P4HA1: variants seen among roughly 807,000 people sequenced by gnomAD.
P4HA1 encodes prolyl 4-hydroxylase subunit alpha-1.
In P4HA1, 24 loss-of-function variants were observed where a neutral mutation model predicts 72.8. The ratio of observed to expected loss-of-function variants is 0.33; its 90% CI spans 0.24 to 0.46. P4HA1 has a LOEUF of 0.46. Among genes scored for constraint, P4HA1 ranks in the 20% least tolerant of loss-of-function variants. The pLI, the probability that P4HA1 is intolerant of heterozygous loss-of-function variation, is 1.00. For synonymous variants in P4HA1, 201 were observed against 218.8 expected, an observed-to-expected ratio of 0.92 and a Z score of 0.72; for missense variants, 446 against 640.6, an observed-to-expected ratio of 0.70 and a Z score of 3.28.
chr10:73,077,122 C>T (rs182205394), intron 1 of P4HA1, among the ~76,000 whole-genome samples: 1 of 152,248 alleles, frequency 6.6e-6, no homozygotes, highest in Non-Finnish European at 1.5e-5. Flanking sequence ...GACACTTCCT[C>T]TCCTGGGCTC....
chr10:73,028,924 G>C (rs911309601), intron 10 of P4HA1, among the ~76,000 whole-genome samples: 3 of 150,920 alleles, frequency 2.0e-5, no homozygotes, highest in Non-Finnish European at 4.4e-5. Context: ...ATGTGCCTGT[G>C]GTCCCAGCTA....
At chr10:73,012,510 T>C (rs929398424) in intron 12 of P4HA1, among the ~76,000 whole-genome samples, 2 of 152,174 alleles carry the variant, frequency 1.3e-5, no homozygotes, top group Admixed American at 1.3e-4. Flanking sequence ...ATCTTTGTAA[T>C]GTACCTTACC....
At chr10:73,075,329 G>A (rs953112673) in intron 1 of P4HA1, among the ~76,000 whole-genome samples, 1 of 152,020 alleles carries the variant, frequency 6.6e-6, no homozygotes, top group Non-Finnish European at 1.5e-5. Flanking sequence ...GGCTGGTCTC[G>A]AACTCCTGGC....
At chr10:73,037,540 TATATATATATATATATATATATATATATA>T (rs1414691325) in intron 9 of P4HA1, among the ~76,000 whole-genome samples, 1 of 21,196 alleles carries the variant, frequency 4.7e-5, no homozygotes, top group East Asian at 1.6e-3. Context: ...TATATATATA[TATATATATATATATATATATATATATATA>T]TATTTTTTTT....
chr10:73,054,335 T>A (rs1020315020), intron 5 of P4HA1, among the ~76,000 whole-genome samples: 2 of 152,222 alleles, frequency 1.3e-5, no homozygotes, highest in African/African-American at 4.8e-5. Flanking sequence ...TTAAATACCA[T>A]AAATTCACTC....
intron 10 of P4HA1, among the ~76,000 whole-genome samples, chr10:73,023,606 A>G (rs1409875019): frequency 1.3e-5 from 2 of 152,172 alleles, no homozygotes; most frequent in Non-Finnish European, 2.9e-5. Context: ...CAAAATAACC[A>G]GCGAACATCA....
intron 10 of P4HA1, among the ~76,000 whole-genome samples, chr10:73,022,140 G>A (rs1404231463): frequency 6.6e-6 from 1 of 152,212 alleles, no homozygotes; most frequent in Non-Finnish European, 1.5e-5. Flanking sequence ...GAGAGCAGTG[G>A]TTCTCCCAGG....
rs1840057124 is a variant in P4HA1 at position 73,018,390 on chromosome 10, C to G, written c.1249-1491G>C. On this transcript the variant is annotated intron_variant, in intron 10 of 14. Transcript: ENST00000394890. ...GCAGTGGCTAAGCTGAGAAATGTGCCCTGCAGGGCAAATAACTCTAGTACC... is the reference window on the plus strand; with the variant it reads ...GCAGTGGCTAAGCTGAGAAATGTGCGCTGCAGGGCAAATAACTCTAGTACC... Among the ~76,000 whole-genome samples, 4 of 152,146 alleles carry G rather than the reference C, an allele frequency of 2.6e-5. No homozygotes were observed. In the South Asian group the frequency reaches 8.3e-4, roughly 32 times the overall value.
chr10:73,019,826 G>A (rs1840094543), intron 10 of P4HA1, among the ~76,000 whole-genome samples: 1 of 150,470 alleles, frequency 6.6e-6, no homozygotes, highest in South Asian at 2.1e-4. Flanking sequence ...CTCTGAACCT[G>A]AAGATACATT....
intron 1 of P4HA1, among the ~76,000 whole-genome samples, chr10:73,082,851 T>G (rs201316144): frequency 1.8e-5 from 1 of 54,288 alleles, no homozygotes; most frequent in Non-Finnish European, 2.5e-5. Flanking sequence ...ATAATGTGCT[T>G]ATGGTGTCTC....
chr10:73,045,979 TAAGGGTC>T (rs1840853131), intron 8 of P4HA1, among the ~76,000 whole-genome samples: 1 of 151,862 alleles, frequency 6.6e-6, no homozygotes. Flanking sequence ...TTTGATATAA[TAAGGGTC>T]AACAAACTAT....
chr10:73,079,769 TA>T (rs1392839751), intron 1 of P4HA1, among the ~76,000 whole-genome samples: 2 of 151,718 alleles, frequency 1.3e-5, no homozygotes, highest in African/African-American at 4.8e-5. Context: ...TAAATAACAA[TA>T]AAAATAAAAA....
At chr10:73,067,436 A>G (rs940345119) in intron 5 of P4HA1, among the ~76,000 whole-genome samples, 2 of 152,196 alleles carry the variant, frequency 1.3e-5, no homozygotes, top group African/African-American at 2.4e-5. Context: ...CACTCAGGAC[A>G]GTTCAATCTC....
chr10:73,013,784 A>C (rs1839958245), intron 12 of P4HA1, among the ~76,000 whole-genome samples: 1 of 152,142 alleles, frequency 6.6e-6, no homozygotes, highest in South Asian at 2.1e-4. Flanking sequence ...TACTGAATAC[A>C]CCAGAAGTGT....
chr10:73,088,067 A>G (rs1251798713), intron 1 of P4HA1, among the ~76,000 whole-genome samples: 1 of 151,878 alleles, frequency 6.6e-6, no homozygotes, highest in African/African-American at 2.4e-5. Flanking sequence ...ATCTATGAAC[A>G]TTTTTTAAAA....
rs1162367750 is a variant in P4HA1, at chr10:73,007,659, G to A, written c.*563C>T. 1 of 151,934 alleles carries A rather than the reference G, an allele frequency of 6.6e-6. No individual in the cohort carries two copies. The highest frequency in any genetic ancestry group is 1.5e-5 in the Non-Finnish European group (1 of 68,006). The allele number at this position is 151,934 out of a possible 1,614,324, so 9.4% of individuals were successfully genotyped here. A position where few individuals can be genotyped will look rare whatever the true frequency, so the allele number is the denominator to read the frequency against. The stretch of plus-strand genomic sequence containing the variant: ...GAGGAGCTAAAAGAAAAGAGAGGGG[G>A]TTGGTAAAATACAGTATACTTTCTT... On this transcript the variant is annotated 3_prime_UTR_variant, in exon 15 of 15. Transcript: ENST00000394890.
chr10:73,065,882 T>G (rs1413429822), intron 5 of P4HA1, among the ~76,000 whole-genome samples: 1 of 152,068 alleles, frequency 6.6e-6, no homozygotes, highest in East Asian at 1.9e-4. Context: ...CAATACCACA[T>G]TAGCAGTTAG....
intron 10 of P4HA1, among the ~76,000 whole-genome samples, chr10:73,026,524 A>G (rs1207950636): frequency 1.3e-5 from 2 of 152,218 alleles, no homozygotes; most frequent in Middle Eastern, 3.2e-3. Context: ...CCTAGGCAAT[A>G]CCATTCAGGA....
chr10:73,042,186 GA>G (rs942609065), intron 9 of P4HA1, among the ~76,000 whole-genome samples: 3 of 151,854 alleles, frequency 2.0e-5, no homozygotes, highest in Non-Finnish European at 2.9e-5. Context: ...TGATAGGCAA[GA>G]AAAAAAATTT....
Sources: gnomAD v4.1 joint callset for allele counts (sites outside exome capture counted in the v4.1 genomes callset) on GRCh38, gnomAD v4.1.1 for gene constraint, MANE v1.5 for transcripts, NCBI Gene and HGNC (gene_info 2026-07-23, HGNC 2026-07-21) for gene names.